Variants in CTNND2 observed in about 807,000 individuals in gnomAD.
The protein encoded by CTNND2 is catenin delta 2, also known as catenin delta-2.
A neutral mutation model predicts 144.4 loss-of-function variants in CTNND2; 22 were observed. The ratio of observed to expected loss-of-function variants is 0.15; its 90% CI spans 0.11 to 0.22. The LOEUF (loss-of-function observed/expected upper bound fraction) is 0.22, where lower values mean the gene tolerates loss of function less well. Ranked by LOEUF, CTNND2 falls within the 10% of genes least tolerant of loss-of-function variation. CTNND2 has a pLI of 1.00. For missense variants in CTNND2, 1,353 were observed against 1,618.8 expected, an observed-to-expected ratio of 0.84 and a Z score of 2.82; for synonymous variants, 751 against 695.6, an observed-to-expected ratio of 1.08 and a Z score of -1.25.
chr5:11,409,579 G>A (rs189747998), intron 5 of CTNND2, among the ~76,000 whole-genome samples: 1 of 151,884 alleles, frequency 6.6e-6, no homozygotes, highest in East Asian at 1.9e-4. Context: ...TATGCTGTTT[G>A]GTGCACACAT....
chr5:11,623,808 GTATATA>G (rs58954001), intron 2 of CTNND2, among the ~76,000 whole-genome samples: 814 of 40,662 alleles, frequency 0.02, 9 homozygotes, highest in South Asian at 0.054. Flanking sequence ...ATGTGTGTAT[GTATATA>G]TATATATATA....
At chr5:11,249,486 G>T (rs1714266539) in intron 9 of CTNND2, among the ~76,000 whole-genome samples, 1 of 152,124 alleles carries the variant, frequency 6.6e-6, no homozygotes, top group Admixed American at 6.5e-5. Context: ...ATGGTCAGGG[G>T]GCTTGAATAA....
intron 9 of CTNND2, among the ~76,000 whole-genome samples, chr5:11,286,641 A>C (rs1747786204): frequency 6.6e-6 from 1 of 152,216 alleles, no homozygotes; most frequent in Non-Finnish European, 1.5e-5. Flanking sequence ...GGTAATGCAG[A>C]GGGAAACAAC....
intron 2 of CTNND2, among the ~76,000 whole-genome samples, chr5:11,681,029 A>G (rs1179025300): frequency 6.6e-6 from 1 of 152,098 alleles, no homozygotes; most frequent in African/African-American, 2.4e-5. Context: ...GCTGATGCCA[A>G]TTTAGAGATG....
intron 2 of CTNND2, among the ~76,000 whole-genome samples, chr5:11,626,361 C>T (rs573216013): frequency 5.3e-5 from 8 of 152,136 alleles, no homozygotes; most frequent in Non-Finnish European, 1.0e-4. Context: ...AAAATGAACA[C>T]TATACTATAT....
At chr5:11,768,697 A>G (rs1369599110) in intron 1 of CTNND2, among the ~76,000 whole-genome samples, 1 of 152,178 alleles carries the variant, frequency 6.6e-6, no homozygotes, top group Non-Finnish European at 1.5e-5. Flanking sequence ...ATCACATACT[A>G]TCCCATGCTC....
chr5:11,769,756 C>G (rs1490237169), intron 1 of CTNND2, among the ~76,000 whole-genome samples: 1 of 152,106 alleles, frequency 6.6e-6, no homozygotes, highest in African/African-American at 2.4e-5. Context: ...GAAATCATTA[C>G]AGTATAAGTG....
At chr5:11,828,944 G>A (rs1793745245) in intron 1 of CTNND2, among the ~76,000 whole-genome samples, 1 of 152,116 alleles carries the variant, frequency 6.6e-6, no homozygotes. Flanking sequence ...AGGCAGAGGT[G>A]GTCTCAGATG....
chr5:11,523,511 A>G (rs1042405744), intron 3 of CTNND2, among the ~76,000 whole-genome samples: 1 of 152,154 alleles, frequency 6.6e-6, no homozygotes, highest in Admixed American at 6.5e-5. Flanking sequence ...TCACAAACCT[A>G]CAAAGGGGCA....
intron 2 of CTNND2, among the ~76,000 whole-genome samples, chr5:11,575,685 T>A (rs1452819895): frequency 6.6e-6 from 1 of 152,184 alleles, no homozygotes; most frequent in Admixed American, 6.5e-5. Flanking sequence ...GTACTCGACT[T>A]GACCTGGTAA....
chr5:11,715,127 G>A (rs997201723), intron 2 of CTNND2, among the ~76,000 whole-genome samples: 2 of 152,050 alleles, frequency 1.3e-5, no homozygotes, highest in Admixed American at 1.3e-4. Flanking sequence ...CAGAGTGATT[G>A]GGGAAAATAA....
intron 3 of CTNND2, among the ~76,000 whole-genome samples, chr5:11,474,759 C>A (rs1368506524): frequency 6.6e-6 from 1 of 152,188 alleles, no homozygotes; most frequent in African/African-American, 2.4e-5. Context: ...TCATTATATG[C>A]ATTCAAACTG....
At chr5:11,704,270 C>T (rs1785591646) in intron 2 of CTNND2, among the ~76,000 whole-genome samples, 1 of 152,212 alleles carries the variant, frequency 6.6e-6, no homozygotes, top group African/African-American at 2.4e-5. Context: ...AATGCATGGC[C>T]TTGGCTGACA....
intron 3 of CTNND2, among the ~76,000 whole-genome samples, chr5:11,557,142 G>C (rs1776296550): frequency 6.6e-6 from 1 of 152,106 alleles, no homozygotes. Flanking sequence ...TCAGCTTTTT[G>C]TAATATATAT....
intron 2 of CTNND2, among the ~76,000 whole-genome samples, chr5:11,590,946 T>C (rs1357111257): frequency 1.3e-5 from 2 of 152,254 alleles, no homozygotes; most frequent in Non-Finnish European, 2.9e-5. Context: ...TTAACACTTT[T>C]TATACAATTG....
Position 11,117,572 on chromosome 5 carries a change from A to G in CTNND2, c.2160-5T>C. On this transcript the variant is annotated splice_polypyrimidine_tract_variant and splice_region_variant and intron_variant, in intron 12 of 21. Transcript: ENST00000304623. ...TCTCCGGCCGAACTAACATTCCTGCAAAGCAAAAGGACACGTCAGCGATCT... is the reference window on the plus strand; with the variant it reads ...TCTCCGGCCGAACTAACATTCCTGCGAAGCAAAAGGACACGTCAGCGATCT... 2 of 1,610,840 alleles carry G rather than the reference A, an allele frequency of 1.2e-6. No homozygotes were observed. Among genetic ancestry groups the G allele is most frequent in the East Asian group, 4.5e-5 (2 of 44,866 alleles).
chr5:11,385,205 G>A lies in CTNND2; in HGVS notation c.637C>T (p.Leu213=). ...SQGTTSRAGH[L]AGPEPAPPPP... ...GGCGGCGCGGGCTCGGGCCCCGCCA[G>A]GTGGCCGGCGCGGCTGGTCGTGCCC... The change falls in exon 7 of 22, where the codon CTG becomes TTG. Residue 213 remains leucine, a synonymous_variant. Transcript: ENST00000304623. The A allele has an allele frequency of 2.8e-6, 3 of 1,054,252 alleles. No homozygotes were observed. Among genetic ancestry groups the A allele is most frequent in the Non-Finnish European group, 3.4e-6 (3 of 876,048 alleles). 65.3% of individuals were successfully genotyped at this position (1,054,252 alleles called of 1,614,324 possible). A position where few individuals can be genotyped will look rare whatever the true frequency, so the allele number is the denominator to read the frequency against.
At chr5:11,396,907 C>T (rs772711093) in intron 6 of CTNND2, 124 bp downstream of exon 6, 2 of 883,170 alleles carry the variant, frequency 2.3e-6, no homozygotes, top group Non-Finnish European at 1.7e-6. Context: ...CATTTTCCCT[C>T]AAGTTGAGGG....
intron 3 of CTNND2, among the ~76,000 whole-genome samples, chr5:11,456,446 A>C (rs1765744372): frequency 6.6e-6 from 1 of 150,742 alleles, no homozygotes; most frequent in Admixed American, 6.6e-5. Context: ...TTCTAGTTTC[A>C]CATCTGTGTC....
Sources: allele counts gnomAD v4.1 joint callset (sites outside exome capture counted in the v4.1 genomes callset), GRCh38; gene constraint gnomAD v4.1.1; transcripts MANE v1.5; gene names NCBI Gene and HGNC (gene_info 2026-07-23, HGNC 2026-07-21).